Variants in APBA1 observed in about 807,000 individuals in gnomAD.
APBA1 encodes the protein amyloid beta precursor protein binding family A member 1.
APBA1 carries 55 observed loss-of-function variants against 86.6 expected under a neutral mutation model. The ratio of observed to expected loss-of-function variants is 0.64; its 90% CI spans 0.51 to 0.80. APBA1 has a LOEUF of 0.80. Ranked by LOEUF, APBA1 falls within the 30% of genes least tolerant of loss-of-function variation. The probability of loss-of-function intolerance (pLI) is 0.00; values close to 1 mark genes in which losing one functional copy is unlikely to be tolerated. For synonymous variants in APBA1, 511 were observed against 493.9 expected (o/e 1.03, Z -0.46); for missense variants, 1,090 against 1,183.0 (o/e 0.92, Z 1.15).
At chr9:69,554,711 T>G (rs539015519) in intron 1 of APBA1, among the ~76,000 whole-genome samples, 1 of 152,294 alleles carries the variant, frequency 6.6e-6, no homozygotes, top group South Asian at 2.1e-4. Context: ...ATAAGATTAT[T>G]TTGAATGAGA....
At chr9:69,506,246 C>G (rs1835962372) in intron 2 of APBA1, among the ~76,000 whole-genome samples, 1 of 151,626 alleles carries the variant, frequency 6.6e-6, no homozygotes, top group Non-Finnish European at 1.5e-5. Flanking sequence ...CGAGGCATTT[C>G]CTCACTTGGG....
chr9:69,587,310 G>A (rs1013967552), intron 1 of APBA1, among the ~76,000 whole-genome samples: 1 of 152,132 alleles, frequency 6.6e-6, no homozygotes, highest in Non-Finnish European at 1.5e-5. Context: ...ACTTCCACTG[G>A]GGCTTCCAGG....
intron 1 of APBA1, among the ~76,000 whole-genome samples, chr9:69,658,300 C>CTCTCTCTCTTTCTT (rs1823670571): frequency 1.8e-5 from 1 of 56,084 alleles, no homozygotes; most frequent in African/African-American, 5.7e-5. Context: ...CTCTTTCTCT[C>CTCTCTCTCTTTCTT]TCTCTCTTTC....
chr9:69,669,385 C>A (rs553436939), intron 1 of APBA1, among the ~76,000 whole-genome samples: 67 of 151,812 alleles, frequency 4.4e-4, no homozygotes, highest in African/African-American at 1.5e-3. Context: ...ACAACAACAA[C>A]AAAAAACCTT....
At chr9:69,600,163 A>G (rs1023389631) in intron 1 of APBA1, among the ~76,000 whole-genome samples, 5 of 152,010 alleles carry the variant, frequency 3.3e-5, no homozygotes, top group South Asian at 2.1e-4. Flanking sequence ...ACTCCTGTTA[A>G]CTCCCCTCTC....
intron 1 of APBA1, among the ~76,000 whole-genome samples, chr9:69,548,026 G>C (rs956478517): frequency 5.3e-5 from 8 of 152,156 alleles, no homozygotes; most frequent in African/African-American, 1.9e-4. Flanking sequence ...GGATCATCTG[G>C]GTGGCCCAAC....
intron 1 of APBA1, among the ~76,000 whole-genome samples, chr9:69,567,213 G>A (rs543736130): frequency 4.6e-5 from 7 of 152,144 alleles, no homozygotes; most frequent in Non-Finnish European, 1.0e-4. Context: ...ATGCTAGAGC[G>A]AGCTCCTGAA....
chr9:69,443,221 G>A (rs1305775587), intron 10 of APBA1, among the ~76,000 whole-genome samples: 1 of 152,200 alleles, frequency 6.6e-6, no homozygotes, highest in East Asian at 1.9e-4. Flanking sequence ...CCTAGGGGTG[G>A]GACCCAGGAA....
intron 1 of APBA1, among the ~76,000 whole-genome samples, chr9:69,651,491 T>A (rs1183911655): frequency 1.3e-5 from 2 of 152,172 alleles, no homozygotes; most frequent in East Asian, 3.8e-4. Context: ...TTTTTTTTTC[T>A]TGAGACTGAG....
intron 2 of APBA1, among the ~76,000 whole-genome samples, chr9:69,511,952 T>C (rs956218315): frequency 1.1e-4 from 17 of 151,560 alleles, no homozygotes; most frequent in African/African-American, 3.1e-4. Context: ...AGGGATAGCA[T>C]TGGGAGATAT....
At position 69,441,004 on chromosome 9, in the gene APBA1, T is replaced by G. The variant is rs750103291; in HGVS notation, c.2293A>C (p.Asn765His). ...LRYQLGFSVQ[N>H]GIICSLMRGG... ...GAAGGTGTTCTACTTACAATTCCATTCTGGACGCTGAAACCGAGCTGGTAG... is the reference window on the plus strand; with the variant it reads ...GAAGGTGTTCTACTTACAATTCCATGCTGGACGCTGAAACCGAGCTGGTAG... The change falls in exon 11 of 13, where the codon AAT becomes CAT. Residue 765 changes from asparagine (N) to histidine (H), a missense_variant. By Grantham distance (68) the Asn-to-His change is moderately conservative. Coordinates refer to ENST00000265381, the MANE Select transcript of APBA1 (RefSeq NM_001163.4). The G allele has an allele frequency of 6.2e-7, 1 of 1,613,790 alleles. No individual in the cohort carries two copies. Among genetic ancestry groups the G allele is most frequent in the Non-Finnish European group, 8.5e-7 (1 of 1,179,876 alleles).
intron 3 of APBA1, among the ~76,000 whole-genome samples, chr9:69,475,115 AG>A (rs1835422060): frequency 6.6e-6 from 1 of 152,204 alleles, no homozygotes; most frequent in African/African-American, 2.4e-5. Flanking sequence ...TAGGTGTAAA[AG>A]GACCCTGGGT....
chr9:69,493,177 TTCAG>T (rs1463061646), intron 2 of APBA1, among the ~76,000 whole-genome samples: 2 of 152,030 alleles, frequency 1.3e-5, no homozygotes, highest in African/African-American at 4.8e-5. Context: ...TTCAAAAATC[TTCAG>T]TCATTCTTTT....
At chr9:69,647,098 G>A (rs1465869820) in intron 1 of APBA1, among the ~76,000 whole-genome samples, 1 of 152,178 alleles carries the variant, frequency 6.6e-6, no homozygotes, top group Non-Finnish European at 1.5e-5. Context: ...CCAGGATTCA[G>A]TGCCTTAATA....
intron 1 of APBA1, among the ~76,000 whole-genome samples, chr9:69,544,935 G>T (rs12352714): frequency 6.6e-6 from 1 of 152,164 alleles, no homozygotes; most frequent in Non-Finnish European, 1.5e-5. Flanking sequence ...AATGAAGCTA[G>T]AAGACACTCT....
chr9:69,540,963 C>T (rs1435033731), intron 1 of APBA1, among the ~76,000 whole-genome samples: 1 of 152,214 alleles, frequency 6.6e-6, no homozygotes, highest in Non-Finnish European at 1.5e-5. Flanking sequence ...TTTTCTGTGA[C>T]TAGCTTATTT....
intron 1 of APBA1, among the ~76,000 whole-genome samples, chr9:69,576,391 A>G (rs1182119460): frequency 2.0e-5 from 3 of 152,238 alleles, no homozygotes; most frequent in African/African-American, 7.2e-5. Flanking sequence ...ATGCTGCTAT[A>G]AAGACACATG....
intron 1 of APBA1, among the ~76,000 whole-genome samples, chr9:69,577,319 G>A (rs995196788): frequency 2.0e-5 from 3 of 152,174 alleles, no homozygotes; most frequent in African/African-American, 7.2e-5. Flanking sequence ...TAGACAGGGT[G>A]CATAGACATG....
chr9:69,563,696 A>T (rs191007669), intron 1 of APBA1, among the ~76,000 whole-genome samples: 148 of 152,248 alleles, frequency 9.7e-4, no homozygotes, highest in African/African-American at 2.8e-3. Context: ...ATCAAGATTC[A>T]AATCACTCTA....
Sources: allele counts gnomAD v4.1 joint callset (sites outside exome capture counted in the v4.1 genomes callset), GRCh38; gene constraint gnomAD v4.1.1; transcripts MANE v1.5; gene names NCBI Gene and HGNC (gene_info 2026-07-23, HGNC 2026-07-21).